Variants in ESCO1 observed in about 807,000 individuals in gnomAD.
ESCO1 encodes N-acetyltransferase ESCO1.
In ESCO1, 33 loss-of-function variants were observed where a neutral mutation model predicts 83.5. The observed-to-expected ratio is 0.40, with a 90% CI of 0.30 to 0.53. The LOEUF (loss-of-function observed/expected upper bound fraction) is 0.53. Ranked by LOEUF, ESCO1 falls within the 20% of genes least tolerant of loss-of-function variation. The pLI, the probability that ESCO1 is intolerant of heterozygous loss-of-function variation, is 0.63. For missense variants in ESCO1, 855 were observed against 968.0 expected, an observed-to-expected ratio of 0.88 and a Z score of 1.55; for synonymous variants, 332 against 324.3, an observed-to-expected ratio of 1.02 and a Z score of -0.25.
intron 1 of ESCO1, among the ~76,000 whole-genome samples, chr18:21,595,076 G>C (rs2038742557): frequency 6.6e-6 from 1 of 151,526 alleles, no homozygotes; most frequent in Non-Finnish European, 1.5e-5. Context: ...CGAACTCCTG[G>C]GTTCAAGCGA....
At position 21,539,955 on chromosome 18, in the gene ESCO1, C is replaced by A. The variant is rs575603072; in HGVS notation, c.2008G>T (p.Val670Phe). 6.2e-7 allele frequency: 1 copy of A among 1,613,454 alleles called. No homozygotes were observed. Among genetic ancestry groups the A allele is most frequent in the African/African-American group, 1.3e-5 (1 of 74,890 alleles). Residue 670 changes from valine to phenylalanine, a missense_variant, in exon 9 of 12, where the codon GTT becomes TTT. By Grantham distance (50) the Val-to-Phe change is conservative. Transcript: ENST00000269214. ...AEYPDGRIIM[V>F]LPEDPKYALK... ...GCATACTTTGGGTCTTCAGGAAGAA[C>A]CATTATTATCCTGCCATCAGGGTAT...
chr18:21,534,211 T>C (rs1291189902), intron 10 of ESCO1, among the ~76,000 whole-genome samples: 1 of 152,228 alleles, frequency 6.6e-6, no homozygotes, highest in Non-Finnish European at 1.5e-5. Flanking sequence ...ATGCCTAGTG[T>C]TCCATTACTG....
At chr18:21,535,897 G>C in intron 10 of ESCO1, 145 bp downstream of exon 10, 1 of 942,588 alleles carries the variant, frequency 1.1e-6, no homozygotes. Context: ...TTCCACTATG[G>C]TGAAGACTCA....
Position 21,536,584 on chromosome 18 carries a change from C to T in ESCO1, c.2044-399G>A, listed in dbSNP as rs575370974. 3.2e-3 allele frequency among the ~76,000 whole-genome samples: 414 copies of T among 127,704 alleles called. 2 individuals are homozygous for T. Among genetic ancestry groups the T allele is most frequent in the Non-Finnish European group, 6.3e-3 (353 of 55,850 alleles). The allele number at this position is 127,704 out of a possible 152,430, so 83.8% of individuals were successfully genotyped here. A position where few individuals can be genotyped will look rare whatever the true frequency, so the allele number is the denominator to read the frequency against. ...CCAGCCTGGGTGACAGAGTGAGACTCCATCTCAAAAAAAAAAAAAAAAAAA... is the reference window on the plus strand; with the variant it reads ...CCAGCCTGGGTGACAGAGTGAGACTTCATCTCAAAAAAAAAAAAAAAAAAA... On this transcript the variant is annotated intron_variant, in intron 9 of 11. Coordinates refer to ENST00000269214, the MANE Select transcript of ESCO1 (RefSeq NM_052911.3).
At chr18:21,533,550 C>G (rs1371195329) in intron 10 of ESCO1, among the ~76,000 whole-genome samples, 1 of 152,112 alleles carries the variant, frequency 6.6e-6, no homozygotes, top group Non-Finnish European at 1.5e-5. Flanking sequence ...CCACCGTGCC[C>G]AGCCATGACT....
At chr18:21,560,798 C>T (rs2038174634) in intron 8 of ESCO1, 61 bp downstream of exon 8, 1 of 1,574,244 alleles carries the variant, frequency 6.4e-7, no homozygotes, top group African/African-American at 1.4e-5. Context: ...CAACTCATCT[C>T]ATTAAGAGAC....
At chr18:21,577,849 G>A (rs889818744) in intron 2 of ESCO1, among the ~76,000 whole-genome samples, 4 of 152,018 alleles carry the variant, frequency 2.6e-5, no homozygotes, top group South Asian at 2.1e-4. Context: ...ACTGATTGCT[G>A]AAACCCACTC....
intron 7 of ESCO1, among the ~76,000 whole-genome samples, chr18:21,563,984 G>GTT (rs1048536130): frequency 2.8e-4 from 43 of 151,440 alleles, no homozygotes; most frequent in Non-Finnish European, 5.2e-4. Context: ...TTACCACGTG[G>GTT]TCTCTCTGCA....
intron 8 of ESCO1, among the ~76,000 whole-genome samples, chr18:21,544,028 C>A (rs1403236312): frequency 6.6e-6 from 1 of 152,194 alleles, no homozygotes; most frequent in Non-Finnish European, 1.5e-5. Flanking sequence ...AATCCCAGCA[C>A]TTTGAGAGGC....
intron 2 of ESCO1, among the ~76,000 whole-genome samples, chr18:21,579,784 A>ACGCGCGCG (rs199944972): frequency 1.3e-4 from 8 of 60,274 alleles, no homozygotes; most frequent in East Asian, 5.4e-4. Context: ...ACACACACAC[A>ACGCGCGCG]CGCGCGCGCG....
Position 21,539,909 on chromosome 18 carries a change from T to C in ESCO1, c.2043+11A>G, listed in dbSNP as rs201223280. The C allele has an allele frequency of 6.2e-7, 1 of 1,608,486 alleles. No individual in the cohort carries two copies. The highest frequency in any genetic ancestry group is 8.5e-7 in the Non-Finnish European group (1 of 1,176,556). ...TTATCCACTCTACATGAAGTTTCACTGGAAATTTACCTTTTTCAGGGCATA... is the reference window on the plus strand; with the variant it reads ...TTATCCACTCTACATGAAGTTTCACCGGAAATTTACCTTTTTCAGGGCATA... On this transcript the variant is annotated intron_variant, in intron 9 of 11. Transcript: ENST00000269214.
intron 1 of ESCO1, among the ~76,000 whole-genome samples, chr18:21,591,375 C>T (rs535708768): frequency 6.6e-6 from 1 of 152,324 alleles, no homozygotes; most frequent in South Asian, 2.1e-4. Flanking sequence ...TGTTTTAAGC[C>T]ATCAGGTTTC....
intron 7 of ESCO1, 116 bp from the exon 8 acceptor site, chr18:21,561,106 A>G: frequency 1.0e-6 from 1 of 954,668 alleles, no homozygotes; most frequent in East Asian, 3.0e-5. Flanking sequence ...TACATGAATA[A>G]CATTCAATGT....
At chr18:21,531,893 C>CAA (rs10646843) in intron 11 of ESCO1, among the ~76,000 whole-genome samples, 24,012 of 81,970 alleles carry the variant, frequency 0.29, 5,833 homozygotes, top group African/African-American at 0.61. Flanking sequence ...GACTCCATCT[C>CAA]AAAAAAAAAA....
intron 8 of ESCO1, among the ~76,000 whole-genome samples, chr18:21,545,138 T>A (rs1302007670): frequency 6.6e-6 from 1 of 152,240 alleles, no homozygotes; most frequent in Non-Finnish European, 1.5e-5. Flanking sequence ...TCTCACTATG[T>A]TGCCAAGGCT....
chr18:21,572,893 G>A (rs2038359240), intron 4 of ESCO1, among the ~76,000 whole-genome samples: 2 of 152,156 alleles, frequency 1.3e-5, no homozygotes, highest in African/African-American at 2.4e-5. Context: ...GAACCTGGGA[G>A]GCGGAGGATG....
At chr18:21,594,597 G>A (rs140148428) in intron 1 of ESCO1, among the ~76,000 whole-genome samples, 21,976 of 151,930 alleles carry the variant, frequency 0.14, 1,844 homozygotes, top group Middle Eastern at 0.27. Flanking sequence ...CCAGCTACTC[G>A]GGAGGCTGAG....
chr18:21,570,695 T>G (rs1459525158), intron 4 of ESCO1, among the ~76,000 whole-genome samples: 2 of 152,142 alleles, frequency 1.3e-5, no homozygotes, highest in East Asian at 3.9e-4. Flanking sequence ...GTTGCAGTCT[T>G]CGGCCAGGCG....
intron 1 of ESCO1, among the ~76,000 whole-genome samples, chr18:21,584,657 C>T (rs1037007635): frequency 3.3e-5 from 5 of 151,768 alleles, no homozygotes; most frequent in East Asian, 3.9e-4. Context: ...TCTGTCTCTT[C>T]GAAAATACAA....
Sources: allele counts gnomAD v4.1 joint callset (sites outside exome capture counted in the v4.1 genomes callset), GRCh38; gene constraint gnomAD v4.1.1; transcripts MANE v1.5; gene names NCBI Gene and HGNC (gene_info 2026-07-23, HGNC 2026-07-21).